The following PDGFA variants were observed in gnomAD, a reference collection of about 807,000 sequenced individuals.
PDGFA encodes the protein platelet-derived growth factor subunit A.
PDGFA carries 9 observed loss-of-function variants against 25.6 expected under a neutral mutation model. That is an observed-to-expected ratio of 0.35 (90% CI 0.21 to 0.61). The LOEUF (loss-of-function observed/expected upper bound fraction) is 0.61. Among genes scored for constraint, PDGFA ranks in the 20% least tolerant of loss-of-function variants. PDGFA has a pLI of 0.75. For synonymous variants in PDGFA, 133 were observed against 111.8 expected, an observed-to-expected ratio of 1.19 and a Z score of -1.20; for missense variants, 242 against 272.8, an observed-to-expected ratio of 0.89 and a Z score of 0.79.
chr7:514,225 A>G (rs537980455), intron 2 of PDGFA, among the ~76,000 whole-genome samples: 2 of 152,320 alleles, frequency 1.3e-5, no homozygotes, highest in African/African-American at 4.8e-5. Context: ...CCAGAGAAAT[A>G]TAACAGGACC....
exon 6 of PDGFA, chr7:498,345 G>T (rs1350332113): frequency 2.8e-5 from 15 of 530,950 alleles, no homozygotes; most frequent in South Asian, 5.8e-5. Flanking sequence ...TTTTTGACAA[G>T]GAAGCTTCTT....
chr7:502,768 TCA>T (rs71016866), intron 4 of PDGFA, among the ~76,000 whole-genome samples: 8,305 of 125,942 alleles, frequency 0.066, 423 homozygotes, highest in African/African-American at 0.16. Context: ...AGGCAAGAAA[TCA>T]CACACACACA....
intron 3 of PDGFA, among the ~76,000 whole-genome samples, chr7:511,793 A>G (rs1479500734): frequency 6.6e-6 from 1 of 152,036 alleles, no homozygotes; most frequent in Non-Finnish European, 1.5e-5. Context: ...CTGGAGGGCC[A>G]TGGGGCTGTC....
chr7:504,560 C>A (rs920803513), intron 4 of PDGFA, among the ~76,000 whole-genome samples: 1 of 152,162 alleles, frequency 6.6e-6, no homozygotes, highest in African/African-American at 2.4e-5. Flanking sequence ...AGCCTCACAC[C>A]CTGCCATCTC....
chr7:517,363 C>T lies in PDGFA; in HGVS notation c.160+31G>A. 2 of 1,173,178 alleles carry T rather than the reference C, an allele frequency of 1.7e-6. No individual in the cohort carries two copies. The highest frequency in any genetic ancestry group is 2.3e-6 in the Non-Finnish European group (2 of 885,910). The allele number at this position is 1,173,178 out of a possible 1,614,324, so 72.7% of individuals were successfully genotyped here. A position where few individuals can be genotyped will look rare whatever the true frequency, so the allele number is the denominator to read the frequency against. ...GCACAGGCCGCCCGCCCGCGCCCTC[C>T]CCGCGCGCGGAGGGAAGGGGCGCGA... On this transcript the variant is annotated intron_variant, in intron 2 of 5. Coordinates refer to ENST00000402802, the Ensembl canonical transcript of PDGFA. The surrounding 1 kb of genome is among the most constrained non-coding windows in gnomAD (Gnocchi z 7.4).
intron 4 of PDGFA, among the ~76,000 whole-genome samples, chr7:504,945 G>A (rs896497725): frequency 2.0e-5 from 3 of 152,206 alleles, no homozygotes; most frequent in African/African-American, 7.2e-5. Flanking sequence ...GGCACCGTGC[G>A]AAAGGCACAT....
chr7:505,820 C>G (rs1782536344), intron 4 of PDGFA, among the ~76,000 whole-genome samples: 1 of 152,198 alleles, frequency 6.6e-6, no homozygotes, highest in African/African-American at 2.4e-5. Context: ...CCCACAGCCC[C>G]ACCTGGGTGT....
chr7:505,697 G>A (rs534501247), intron 4 of PDGFA, among the ~76,000 whole-genome samples: 278 of 152,320 alleles, frequency 1.8e-3, no homozygotes, highest in African/African-American at 6.4e-3. Flanking sequence ...GCACAGACAA[G>A]GGAAGCCCCT....
At chr7:519,987 C>T, upstream of PDGFA, 1 of 348,092 alleles carries the variant, frequency 2.9e-6, no homozygotes. Flanking sequence ...TTCGTGCGGA[C>T]CCGGCAGGGC....
chr7:517,514 A>G lies in PDGFA; in HGVS notation c.64-24T>C, dbSNP rs769033700. On this transcript the variant is annotated intron_variant, in intron 1 of 5. Coordinates refer to ENST00000402802, the Ensembl canonical transcript of PDGFA. This position sits in a 1 kb window ranked among gnomAD's most constrained non-coding sequence, Gnocchi z 7.4. ...TCCTGCAAGCAGAGGCCACACGGTC[A>G]GCGCCCGCGGCCCCGACCCCGCCGG... The G allele has an allele frequency of 1.7e-6, 2 of 1,169,554 alleles. No homozygotes were observed. The highest frequency in any genetic ancestry group is 2.2e-6 in the Non-Finnish European group (2 of 921,282). 72.4% of individuals were successfully genotyped at this position (1,169,554 alleles called of 1,614,324 possible). A position where few individuals can be genotyped will look rare whatever the true frequency, so the allele number is the denominator to read the frequency against.
At chr7:504,867 C>G (rs1164607485) in intron 4 of PDGFA, among the ~76,000 whole-genome samples, 1 of 152,216 alleles carries the variant, frequency 6.6e-6, no homozygotes, top group Non-Finnish European at 1.5e-5. Context: ...TCGCTCTCAA[C>G]CACTCGAGAT....
intron 4 of PDGFA, among the ~76,000 whole-genome samples, chr7:506,493 G>A (rs1660760529): frequency 1.3e-5 from 2 of 151,694 alleles, no homozygotes; most frequent in Non-Finnish European, 2.9e-5. Flanking sequence ...TAACACCCCA[G>A]CCACTCTGTT....
At chr7:513,033 G>A (rs1408534343) in intron 2 of PDGFA, 1 of 186,312 alleles carries the variant, frequency 5.4e-6, no homozygotes, top group Admixed American at 5.3e-5. Flanking sequence ...CTGGGCTGCG[G>A]GCCAGACCCC....
Position 511,295 on chromosome 7 carries a change from G to A in PDGFA, c.266-299C>T, listed in dbSNP as rs1360029519. Among the ~76,000 whole-genome samples the A allele has an allele frequency of 2.3e-4, 24 of 104,936 alleles. 1 individual carries two copies. In the South Asian group the frequency reaches 5.1e-3, roughly 22 times the overall value. The allele number at this position is 104,936 out of a possible 152,430, so 68.8% of individuals were successfully genotyped here. On this transcript the variant is annotated intron_variant, in intron 3 of 5. Transcript: ENST00000402802. The stretch of plus-strand genomic sequence containing the variant: ...AGGTGGGGCCAGTGGCTGGGGGTGG[G>A]GAGAGGGGAACTTAGTCCAGGTGGG...
In PDGFA at chr7:512,785, G is replaced by A. The variant is rs1455268922; in HGVS notation, c.161-330C>T. On this transcript the variant is annotated intron_variant, in intron 2 of 5. Transcript: ENST00000402802. ...GTCTCCCCTACGGTGCCTCCTCCAA[G>A]GTAGCCCAGGTGAGGGCTGCCCCGG... 4 of 687,758 alleles carry A rather than the reference G, an allele frequency of 5.8e-6. No individual in the cohort carries two copies. The East Asian group carries it at 2.4e-4, about 41-fold the overall frequency. The allele number at this position is 687,758 out of a possible 1,614,324, so 42.6% of individuals were successfully genotyped here.
chr7:518,975 G>A lies in PDGFA; in HGVS notation c.27C>T (p.Leu9=), dbSNP rs755762675. 35 of 1,542,170 alleles carry A rather than the reference G, an allele frequency of 2.3e-5. 1 individual carries two copies. The South Asian group carries it at 4.0e-4, about 18-fold the overall frequency. ...CATGGGCGAGGTATCCGCAGCCGAG[G>A]AGCAGCAGGCAAGCCAAGGTCCTCA... The change falls in exon 1 of 6, where the codon CTC becomes CTT. Residue 9 remains leucine (L), a synonymous_variant. Coordinates refer to ENST00000402802, the Ensembl canonical transcript of PDGFA.
In PDGFA at chr7:500,332, G is replaced by A. The variant is rs543405824; in HGVS notation, c.580+784C>T. Reference sequence around the variant, plus strand: ...CAAGGCCAATCAGGGCCACATCCCCGCCGCACCCGGCGAGACAGGAAGCGT... The same window carrying A: ...CAAGGCCAATCAGGGCCACATCCCCACCGCACCCGGCGAGACAGGAAGCGT... On this transcript the variant is annotated intron_variant, in intron 5 of 5. Coordinates refer to ENST00000402802, the Ensembl canonical transcript of PDGFA. The surrounding 1 kb of genome is among the most constrained non-coding windows in gnomAD (Gnocchi z 5.0). 2.9e-5 allele frequency: 40 copies of A among 1,356,282 alleles called. No homozygotes were observed. The highest frequency in any genetic ancestry group is 1.8e-4 in the Middle Eastern group (1 of 5,546). The allele number at this position is 1,356,282 out of a possible 1,614,324, so 84.0% of individuals were successfully genotyped here. A position where few individuals can be genotyped will look rare whatever the true frequency, so the allele number is the denominator to read the frequency against.
intron 4 of PDGFA, among the ~76,000 whole-genome samples, chr7:510,519 C>T (rs1326557151): frequency 1.2e-4 from 15 of 125,698 alleles, no homozygotes; most frequent in Non-Finnish European, 8.3e-5. Flanking sequence ...GCAGGGCTCA[C>T]CTTGACGCTG....
chr7:508,514 C>T (rs1782661818), intron 4 of PDGFA, among the ~76,000 whole-genome samples: 1 of 141,746 alleles, frequency 7.1e-6, no homozygotes, highest in Non-Finnish European at 1.5e-5. Context: ...AAACCATGAT[C>T]GCACCACCAC....
Sources: gnomAD v4.1 joint callset for allele counts (sites outside exome capture counted in the v4.1 genomes callset) on GRCh38, gnomAD v4.1.1 for gene constraint, Gnocchi (gnomAD v3.1) non-coding constraint, MANE v1.5 for transcripts, NCBI Gene and HGNC (gene_info 2026-07-23, HGNC 2026-07-21) for gene names.